FHIT: variants seen among roughly 807,000 people sequenced by gnomAD.
The protein encoded by FHIT is fragile histidine triad diadenosine triphosphatase.
Under a neutral mutation model 17.9 loss-of-function variants are expected in FHIT, and 19 were observed. That is an observed-to-expected ratio of 1.06 (90% confidence interval 0.74 to 1.56). The LOEUF is 1.56. Among genes scored for constraint, FHIT ranks in the 40% most tolerant of loss-of-function variants. The pLI is 0.00. For missense variants in FHIT, 248 were observed against 189.2 expected (o/e 1.31, Z -1.82); for synonymous variants, 81 against 69.7 (o/e 1.16, Z -0.81).
intron 8 of FHIT, among the ~76,000 whole-genome samples, chr3:59,848,342 T>C (rs1478601330): frequency 1.3e-5 from 2 of 151,870 alleles, no homozygotes; most frequent in African/African-American, 4.9e-5. Context: ...TTGTTATCTA[T>C]GTGGAAATAC....
intron 5 of FHIT, among the ~76,000 whole-genome samples, chr3:60,405,736 A>T (rs1195709349): frequency 6.6e-6 from 1 of 152,200 alleles, no homozygotes; most frequent in African/African-American, 2.4e-5. Flanking sequence ...GGCTATCACA[A>T]CTAGGAGGGT....
At chr3:60,183,606 G>C (rs1281533862) in intron 5 of FHIT, among the ~76,000 whole-genome samples, 1 of 151,966 alleles carries the variant, frequency 6.6e-6, no homozygotes, top group Non-Finnish European at 1.5e-5. Context: ...CACACCACAG[G>C]CTCAAGTGTG....
chr3:60,818,072 C>A (rs1701799998), intron 4 of FHIT, among the ~76,000 whole-genome samples: 1 of 152,028 alleles, frequency 6.6e-6, no homozygotes, highest in African/African-American at 2.4e-5. Flanking sequence ...ATTTCAAATA[C>A]TGTATTTTTC....
At chr3:60,130,006 C>A (rs1314281912) in intron 5 of FHIT, among the ~76,000 whole-genome samples, 1 of 152,144 alleles carries the variant, frequency 6.6e-6, no homozygotes, top group Non-Finnish European at 1.5e-5. Context: ...CCTACATACA[C>A]ACACCACACA....
At chr3:60,267,669 T>C (rs1706653181) in intron 5 of FHIT, among the ~76,000 whole-genome samples, 1 of 152,154 alleles carries the variant, frequency 6.6e-6, no homozygotes, top group South Asian at 2.1e-4. Context: ...TTCTACTGTA[T>C]ACATCATTAA....
intron 5 of FHIT, among the ~76,000 whole-genome samples, chr3:60,485,172 T>C (rs977517432): frequency 1.2e-4 from 18 of 152,126 alleles, no homozygotes; most frequent in African/African-American, 4.1e-4. Context: ...GGTGAGGCTG[T>C]GGAGAAATTA....
chr3:60,642,531 C>T (rs2039752724), intron 4 of FHIT, among the ~76,000 whole-genome samples: 2 of 152,216 alleles, frequency 1.3e-5, no homozygotes, highest in African/African-American at 4.8e-5. Context: ...CATGCTCATT[C>T]TCAAGTTTGT....
At chr3:60,414,073 G>A (rs1443850934) in intron 5 of FHIT, among the ~76,000 whole-genome samples, 1 of 152,176 alleles carries the variant, frequency 6.6e-6, no homozygotes, top group Non-Finnish European at 1.5e-5. Context: ...TGATAGGCGG[G>A]TGGATGACAG....
chr3:61,182,753 TG>T (rs986109919), intron 2 of FHIT, among the ~76,000 whole-genome samples: 1 of 151,656 alleles, frequency 6.6e-6, no homozygotes, highest in East Asian at 1.9e-4. Flanking sequence ...ATAGGGGGTA[TG>T]GGGGGTGGGG....
intron 5 of FHIT, among the ~76,000 whole-genome samples, chr3:60,148,071 G>A (rs1700314474): frequency 1.3e-5 from 2 of 152,134 alleles, no homozygotes; most frequent in African/African-American, 4.8e-5. Flanking sequence ...AATGTTGCCT[G>A]GTAAGACTAA....
intron 5 of FHIT, among the ~76,000 whole-genome samples, chr3:60,067,876 T>C (rs1218829921): frequency 1.3e-5 from 2 of 152,160 alleles, no homozygotes; most frequent in Non-Finnish European, 2.9e-5. Context: ...ATAACTAAAA[T>C]GGTTTGAGGA....
intron 7 of FHIT, among the ~76,000 whole-genome samples, chr3:59,960,116 G>C (rs551919778): frequency 6.6e-6 from 1 of 152,292 alleles, no homozygotes; most frequent in South Asian, 2.1e-4. Flanking sequence ...AAATTTGAGA[G>C]AGAGGAAGAC....
intron 4 of FHIT, among the ~76,000 whole-genome samples, chr3:60,776,855 T>A (rs952374939): frequency 6.6e-6 from 1 of 152,204 alleles, no homozygotes; most frequent in Non-Finnish European, 1.5e-5. Context: ...TGAGTTACAT[T>A]AGGAAAAAGC....
intron 8 of FHIT, among the ~76,000 whole-genome samples, chr3:59,830,599 T>C (rs1013210867): frequency 3.3e-5 from 5 of 152,216 alleles, no homozygotes; most frequent in African/African-American, 1.2e-4. Context: ...TTAATCATTA[T>C]AGGAAAAACA....
chr3:60,637,528 T>A (rs2039619311), intron 4 of FHIT, among the ~76,000 whole-genome samples: 1 of 152,154 alleles, frequency 6.6e-6, no homozygotes, highest in Admixed American at 6.5e-5. Flanking sequence ...AAAAATGAAC[T>A]GCTACCATCA....
intron 1 of FHIT, among the ~76,000 whole-genome samples, chr3:61,212,979 C>T (rs189446358): frequency 0.027 from 4,098 of 152,252 alleles, 85 homozygotes; most frequent in Non-Finnish European, 0.04. Context: ...ACCACCAGGC[C>T]TGCCCTAAAA....
At chr3:60,138,708 G>T (rs1190035780) in intron 5 of FHIT, among the ~76,000 whole-genome samples, 4 of 152,046 alleles carry the variant, frequency 2.6e-5, no homozygotes, top group Non-Finnish European at 4.4e-5. Flanking sequence ...AGAGAACTGG[G>T]GAATGGGGTG....
chr3:60,987,530 G>A (rs1224057843), intron 3 of FHIT, among the ~76,000 whole-genome samples: 1 of 152,146 alleles, frequency 6.6e-6, no homozygotes, highest in South Asian at 2.1e-4. Context: ...TAGAAACAAT[G>A]CTAATGACTG....
intron 4 of FHIT, among the ~76,000 whole-genome samples, chr3:60,607,896 T>G (rs1407243365): frequency 1.3e-5 from 2 of 152,202 alleles, no homozygotes; most frequent in Admixed American, 6.5e-5. Context: ...AAAGGATGAA[T>G]GGAGAATAGT....
Sources: allele counts gnomAD v4.1 joint callset (sites outside exome capture counted in the v4.1 genomes callset), GRCh38; gene constraint gnomAD v4.1.1; transcripts MANE v1.5; gene names NCBI Gene and HGNC (gene_info 2026-07-23, HGNC 2026-07-21).